The following TMOD4 variants were observed in gnomAD, a reference collection of about 807,000 sequenced individuals.
TMOD4 encodes the protein tropomodulin 4.
In TMOD4, 34 loss-of-function variants were observed where a neutral mutation model predicts 45.4. That is an observed-to-expected ratio of 0.75 (90% confidence interval 0.57 to 1.00). The LOEUF (loss-of-function observed/expected upper bound fraction) is 1.00, where lower values mean the gene tolerates loss of function less well. TMOD4 is among the 50% of genes least tolerant of loss of function. The probability of loss-of-function intolerance (pLI) is 0.00; values close to 1 mark genes in which losing one functional copy is unlikely to be tolerated. For synonymous variants in TMOD4, 131 were observed against 153.9 expected, an observed-to-expected ratio of 0.85 and a Z score of 1.10; for missense variants, 399 against 437.5, an observed-to-expected ratio of 0.91 and a Z score of 0.78.
intron 9 of TMOD4, 179 bp from the exon 10 acceptor site, chr1:151,170,282 G>A (rs1683905466): frequency 3.5e-6 from 3 of 848,070 alleles, no homozygotes; most frequent in Non-Finnish European, 5.5e-6. Context: ...ATAAAATTAC[G>A]ATACCTCTAA....
rs2101714799 is a variant in TMOD4 at position 151,173,594 on chromosome 1, T to C, written c.302A>G (p.Lys101Arg). The C allele has an allele frequency of 6.2e-7, 1 of 1,614,142 alleles. No individual in the cohort carries two copies. The highest frequency in any genetic ancestry group is 8.5e-7 in the Non-Finnish European group (1 of 1,179,984). The change falls in exon 4 of 10, where the codon AAG (lysine) becomes AGG (arginine). Residue 101 changes from lysine to arginine, a missense_variant. Physicochemically the swap from Lys to Arg is conservative, Grantham distance 26 (BLOSUM62 2). Coordinates refer to ENST00000295314, the MANE Select transcript of TMOD4 (RefSeq NM_013353.3). ...CTGCTCCTCTGCTGGGATTTCCCTC[T>C]TGGGCTGAATATAGGGTTTCCCTGA... is the stretch of plus-strand genomic sequence containing the variant. ...EKKGKPYIQP[K>R]REIPAEEQIT... is the part of the protein sequence containing the mutation.
intron 4 of TMOD4, among the ~76,000 whole-genome samples, chr1:151,172,924 C>A (rs1290894675): frequency 3.3e-5 from 5 of 152,308 alleles, no homozygotes; most frequent in South Asian, 4.1e-4. Context: ...TGGGTTCACA[C>A]CATTCTCCTG....
Position 151,171,515 on chromosome 1 carries a change from T to TCA in TMOD4, c.642_643dup (p.Glu215ValfsTer7). The TCA allele has an allele frequency of 1.2e-6, 2 of 1,614,064 alleles. No individual in the cohort carries two copies. Among genetic ancestry groups the TCA allele is most frequent in the East Asian group, 4.5e-5 (2 of 44,876 alleles). ...ATTTGCCTTCATTGCCTCACACAGC[T>TCA]CACTTAGCATGGGTATTGGGATGTC... On this transcript the variant is annotated frameshift_variant, in exon 7 of 10. Coordinates refer to ENST00000295314, the MANE Select transcript of TMOD4 (RefSeq NM_013353.3). LOFTEE classifies it high-confidence loss of function.
At chr1:151,173,716 G>A (rs587753075) in intron 3 of TMOD4, 101 bp from the exon 4 acceptor site, 20 of 840,200 alleles carry the variant, frequency 2.4e-5, no homozygotes, top group African/African-American at 1.0e-4. Flanking sequence ...GCTGCGTCAC[G>A]AAGGGACACT....
At chr1:151,170,337 CCATATT>C in intron 9 of TMOD4, 176 bp downstream of exon 9, 1 of 928,290 alleles carries the variant, frequency 1.1e-6, no homozygotes, top group Non-Finnish European at 1.7e-6. Context: ...CTCTACTGGT[CCATATT>C]TGGGGCAGGG....
chr1:151,173,676 A>G (rs1684020976), intron 3 of TMOD4, 61 bp from the exon 4 acceptor site: 2 of 1,355,386 alleles, frequency 1.5e-6, no homozygotes, highest in African/African-American at 2.9e-5. Context: ...CCTGGCCTCC[A>G]GGTTTCCTTC....
At chr1:151,175,067 GTTGTT>G in intron 1 of TMOD4, 150 bp from the exon 2 acceptor site, 3 of 627,866 alleles carry the variant, frequency 4.8e-6, no homozygotes, top group Non-Finnish European at 8.1e-6. Context: ...GGAAGATTAG[GTTGTT>G]TAGAGTTAGA....
Position 151,174,380 on chromosome 1 carries a change from G to A in TMOD4, c.280+11C>T, listed in dbSNP as rs761366158. The A allele has an allele frequency of 6.2e-7, 1 of 1,612,140 alleles. No homozygotes were observed. Among genetic ancestry groups the A allele is most frequent in the Non-Finnish European group, 8.5e-7 (1 of 1,178,526 alleles). ...GGGTTCTACGAGGCATGGATGTCAG[G>A]GTCCCCATACCCTTCTTCTCGCCTG... On this transcript the variant is annotated intron_variant, in intron 3 of 9. Transcript: ENST00000295314.
chr1:151,175,183 C>T, intron 1 of TMOD4: 1 of 332,468 alleles, frequency 3.0e-6, no homozygotes, highest in East Asian at 7.7e-5. Flanking sequence ...CAGAGAAATC[C>T]TGGCAGCACC....
In TMOD4 at chr1:151,173,563, G is replaced by A; in HGVS notation, c.333C>T (p.Thr111=). The stretch of plus-strand genomic sequence containing the variant: ...GTGCCTCCTCCAGCTCAGGCTCCAG[G>A]GTGATCTGCTCCTCTGCTGGGATTT... ...KREIPAEEQI[T]LEPELEEALA... Residue 111 remains threonine, a synonymous_variant, in exon 4 of 10, where the codon ACC becomes ACT. Coordinates refer to ENST00000295314, the MANE Select transcript of TMOD4 (RefSeq NM_013353.3). The A allele has an allele frequency of 6.2e-7, 1 of 1,614,150 alleles. No homozygotes were observed. Among genetic ancestry groups the A allele is most frequent in the Non-Finnish European group, 8.5e-7 (1 of 1,180,030 alleles).
At chr1:151,173,871 G>T (rs939049973) in intron 3 of TMOD4, among the ~76,000 whole-genome samples, 2 of 152,170 alleles carry the variant, frequency 1.3e-5, no homozygotes, top group African/African-American at 2.4e-5. Flanking sequence ...GAGGTCAGGA[G>T]ATCGAGACCA....
At position 151,170,978 on chromosome 1, in the gene TMOD4, G is replaced by T. The variant is rs1222963953; in HGVS notation, c.812C>A (p.Ala271Asp). 1 of 1,614,070 alleles carries T rather than the reference G, an allele frequency of 6.2e-7. No homozygotes were observed. The highest frequency in any genetic ancestry group is 8.5e-7 in the Non-Finnish European group (1 of 1,180,036). Residue 271 changes from alanine (A) to aspartate (D), a missense_variant, in exon 8 of 10, where the codon GCT becomes GAT. By Grantham distance (126) the Ala-to-Asp change is moderately radical (BLOSUM62 -2). Transcript: ENST00000295314. Reference sequence around the variant, plus strand: ...ATTTTCCCGAACTGCCTTCAGCACAGCCATGAGTCCTGTGCTGCTAATGAA... The same window carrying T: ...ATTTTCCCGAACTGCCTTCAGCACATCCATGAGTCCTGTGCTGCTAATGAA... ...SNFISSTGLMAVLKAVRENAT... is the reference protein window; with the variant it reads ...SNFISSTGLMDVLKAVRENAT...
rs34289776 is a variant in TMOD4, at chr1:151,170,580, G to C, written c.954C>G (p.His318Gln). ...GAGCTCGTGGCCCCTGCTGTGTAAA[G>C]TGGTAGCCAAAGCGGACAATAGAGG... ...QCPSIVRFGYHFTQQGPRARA... is the reference protein window; with the variant it reads ...QCPSIVRFGYQFTQQGPRARA... The change falls in exon 9 of 10, where the codon CAC becomes CAG. Residue 318 changes from histidine to glutamine, a missense_variant. By Grantham distance (24) the His-to-Gln change is conservative. Transcript: ENST00000295314. 1.2e-6 allele frequency: 2 copies of C among 1,614,086 alleles called. No individual in the cohort carries two copies. Among genetic ancestry groups the C allele is most frequent in the Admixed American group, 3.3e-5 (2 of 59,998 alleles).
chr1:151,174,226 A>G (rs984920872), intron 3 of TMOD4, among the ~76,000 whole-genome samples, 165 bp downstream of exon 3: 25 of 149,684 alleles, frequency 1.7e-4, no homozygotes, highest in Non-Finnish European at 3.4e-4. Context: ...AAACAAAAAG[A>G]AAAAAAAAAG....
At position 151,171,640 on chromosome 1, in the gene TMOD4, T is replaced by A. The variant is rs1211193354; in HGVS notation, c.611A>T (p.Asn204Ile). The A allele has an allele frequency of 2.5e-6, 4 of 1,614,138 alleles. No individual in the cohort carries two copies. In the South Asian group the frequency reaches 4.4e-5, roughly 18 times the overall value. ...DKELEEVNLN[N>I]IQDIPIPMLS... The stretch of plus-strand genomic sequence containing the variant: ...AGGATGCAAGTCAAATACCTGTATA[T>A]TATTCAAGTTCACCTCCTCCAGCTC... Residue 204 changes from asparagine (N) to isoleucine (I), a missense_variant, in exon 6 of 10, where the codon AAT (asparagine) becomes ATT (isoleucine). Asn to Ile is a moderately radical substitution (Grantham distance 149). Coordinates refer to ENST00000295314, the MANE Select transcript of TMOD4 (RefSeq NM_013353.3).
intron 7 of TMOD4, 133 bp from the exon 8 acceptor site, chr1:151,171,196 A>T: frequency 9.3e-7 from 1 of 1,072,614 alleles, no homozygotes; most frequent in Non-Finnish European, 1.4e-6. Flanking sequence ...AGCTAGAGGG[A>T]TACAGAAAGC....
rs955924820 is a variant in TMOD4 at position 151,170,347 on chromosome 1, G to A, written c.1015+172C>T. 5.9e-6 allele frequency: 6 copies of A among 1,023,060 alleles called. No homozygotes were observed. The African/African-American group carries it at 9.6e-5, about 16-fold the overall frequency. The allele number at this position is 1,023,060 out of a possible 1,614,324, so 63.4% of individuals were successfully genotyped here. A position where few individuals can be genotyped will look rare whatever the true frequency, so the allele number is the denominator to read the frequency against. ...TACCTCTCTACTGGTCCATATTTGG[G>A]GCAGGGGGAGTTTTCTGTTTACTTT... is the stretch of plus-strand genomic sequence containing the variant. On this transcript the variant is annotated intron_variant, in intron 9 of 9. Transcript: ENST00000295314.
chr1:151,171,065 TG>T lies in TMOD4; in HGVS notation c.727-3del, dbSNP rs1200351250. The T allele has an allele frequency of 6.2e-7, 1 of 1,613,884 alleles. No homozygotes were observed. Among genetic ancestry groups the T allele is most frequent in the Non-Finnish European group, 8.5e-7 (1 of 1,180,002 alleles). On this transcript the variant is annotated splice_region_variant and splice_polypyrimidine_tract_variant and intron_variant, in intron 7 of 9. Coordinates refer to ENST00000295314, the MANE Select transcript of TMOD4 (RefSeq NM_013353.3). ...CTCACGCAACATGTCAGCCACTGCC[TG>T]GGTAGTAGGGACTTGGGTTAGGATT...
chr1:151,172,391 G>C, intron 4 of TMOD4, 34 bp from the exon 5 acceptor site: 1 of 1,526,740 alleles, frequency 6.5e-7, no homozygotes, highest in Non-Finnish European at 9.1e-7. Flanking sequence ...CACAGGGAAT[G>C]AGAAGGAACC....
Sources: gnomAD v4.1 joint callset for allele counts (sites outside exome capture counted in the v4.1 genomes callset) on GRCh38, gnomAD v4.1.1 for gene constraint, MANE v1.5 for transcripts, NCBI Gene and HGNC (gene_info 2026-07-23, HGNC 2026-07-21) for gene names.